Variants in SLC2A13 observed in about 807,000 individuals in gnomAD.
The protein encoded by SLC2A13 is solute carrier family 2 member 13.
Under a neutral mutation model 64.4 loss-of-function variants are expected in SLC2A13, and 32 were observed. That is an observed-to-expected ratio of 0.50 (90% CI 0.37 to 0.67). The LOEUF (loss-of-function observed/expected upper bound fraction) is 0.67. Ranked by LOEUF, SLC2A13 falls within the 30% of genes least tolerant of loss-of-function variation. The pLI, the probability that SLC2A13 is intolerant of heterozygous loss-of-function variation, is 0.00. For synonymous variants in SLC2A13, 338 were observed against 327.1 expected, an observed-to-expected ratio of 1.03 and a Z score of -0.36; for missense variants, 743 against 829.2, an observed-to-expected ratio of 0.90 and a Z score of 1.28.
At chr12:39,917,030 A>C (rs1945531764) in intron 4 of SLC2A13, among the ~76,000 whole-genome samples, 1 of 152,114 alleles carries the variant, frequency 6.6e-6, no homozygotes, top group South Asian at 2.1e-4. Context: ...TGACAAATTT[A>C]TTGAACACCT....
chr12:39,770,316 A>T (rs1940515079), intron 7 of SLC2A13, among the ~76,000 whole-genome samples: 1 of 152,128 alleles, frequency 6.6e-6, no homozygotes, highest in South Asian at 2.1e-4. Context: ...TGCTATGAAC[A>T]TCTAGATCCT....
intron 3 of SLC2A13, among the ~76,000 whole-genome samples, chr12:39,953,987 C>A (rs1250313078): frequency 6.6e-6 from 1 of 152,160 alleles, no homozygotes; most frequent in Non-Finnish European, 1.5e-5. Flanking sequence ...GCACTAAAAG[C>A]CAGTTTGTAT....
intron 6 of SLC2A13, among the ~76,000 whole-genome samples, chr12:39,849,058 G>T (rs780116513): frequency 1.3e-5 from 2 of 151,952 alleles, no homozygotes; most frequent in African/African-American, 4.8e-5. Flanking sequence ...GAACAAAAAA[G>T]ATAACTATTG....
At chr12:39,888,282 T>A (rs998491001) in intron 4 of SLC2A13, among the ~76,000 whole-genome samples, 4 of 152,164 alleles carry the variant, frequency 2.6e-5, no homozygotes, top group Admixed American at 2.6e-4. Flanking sequence ...TGGAGTGCAG[T>A]GGTGTGATCT....
intron 4 of SLC2A13, among the ~76,000 whole-genome samples, chr12:39,926,169 A>G (rs1417508204): frequency 6.6e-6 from 1 of 152,162 alleles, no homozygotes; most frequent in Non-Finnish European, 1.5e-5. Context: ...CCCTCAAAGC[A>G]CAATAATTAT....
intron 1 of SLC2A13, among the ~76,000 whole-genome samples, chr12:40,095,313 A>G (rs1938903382): frequency 6.6e-6 from 1 of 152,236 alleles, no homozygotes; most frequent in Admixed American, 6.5e-5. Context: ...CGTGAAGTAA[A>G]ATAATGATCT....
intron 4 of SLC2A13, among the ~76,000 whole-genome samples, chr12:39,938,049 G>A (rs1300808288): frequency 2.0e-5 from 3 of 152,050 alleles, no homozygotes; most frequent in East Asian, 1.9e-4. Flanking sequence ...ATCCTGTATC[G>A]ACGGGTAGAG....
chr12:40,076,239 C>G (rs144547524), intron 1 of SLC2A13, among the ~76,000 whole-genome samples: 3 of 152,148 alleles, frequency 2.0e-5, no homozygotes, highest in African/African-American at 7.2e-5. Flanking sequence ...GTTTGGTGTA[C>G]AAATTATTTC....
At chr12:39,878,775 C>A (rs1232304124) in intron 4 of SLC2A13, among the ~76,000 whole-genome samples, 1 of 152,222 alleles carries the variant, frequency 6.6e-6, no homozygotes, top group Admixed American at 6.5e-5. Context: ...TTCAAGCATG[C>A]TGTGGAGCAA....
intron 1 of SLC2A13, among the ~76,000 whole-genome samples, chr12:40,067,364 G>T (rs992214272): frequency 1.3e-5 from 2 of 152,034 alleles, no homozygotes; most frequent in African/African-American, 4.8e-5. Context: ...ACCACGCCTG[G>T]CTAATTTTTT....
At chr12:39,952,670 G>A (rs923418049) in intron 3 of SLC2A13, among the ~76,000 whole-genome samples, 16 of 152,146 alleles carry the variant, frequency 1.1e-4, no homozygotes, top group African/African-American at 3.6e-4. Context: ...TTAGAGAAGC[G>A]TTGATGGTCA....
At chr12:39,863,659 C>T (rs1245729206) in intron 6 of SLC2A13, among the ~76,000 whole-genome samples, 1 of 152,004 alleles carries the variant, frequency 6.6e-6, no homozygotes, top group African/African-American at 2.4e-5. Flanking sequence ...ATGAAGACAC[C>T]CTTAAGTCTT....
At chr12:40,050,861 G>A (rs1270497143) in intron 1 of SLC2A13, among the ~76,000 whole-genome samples, 1 of 152,152 alleles carries the variant, frequency 6.6e-6, no homozygotes, top group African/African-American at 2.4e-5. Flanking sequence ...TGGGTCTAAA[G>A]TTCCTCATCT....
intron 7 of SLC2A13, among the ~76,000 whole-genome samples, chr12:39,815,114 C>G (rs1469079663): frequency 6.6e-6 from 1 of 152,040 alleles, no homozygotes; most frequent in Non-Finnish European, 1.5e-5. Flanking sequence ...ATCTTCTGGT[C>G]AGTTACTGAG....
intron 6 of SLC2A13, among the ~76,000 whole-genome samples, chr12:39,854,497 C>T (rs1378886328): frequency 6.6e-6 from 1 of 152,134 alleles, no homozygotes; most frequent in African/African-American, 2.4e-5. Flanking sequence ...TCATACTTTG[C>T]CTTTAACATT....
At chr12:40,096,400 T>A (rs1047917946) in intron 1 of SLC2A13, among the ~76,000 whole-genome samples, 8 of 151,996 alleles carry the variant, frequency 5.3e-5, no homozygotes. Flanking sequence ...TTCTTTTAAG[T>A]AAATAAATTT....
intron 6 of SLC2A13, among the ~76,000 whole-genome samples, chr12:39,856,264 T>G (rs895665076): frequency 6.6e-6 from 1 of 152,168 alleles, no homozygotes; most frequent in Non-Finnish European, 1.5e-5. Flanking sequence ...CATCCATTCA[T>G]CCATCCATCC....
chr12:39,860,445 G>T (rs1186462130), intron 6 of SLC2A13, among the ~76,000 whole-genome samples: 1 of 152,190 alleles, frequency 6.6e-6, no homozygotes, highest in Non-Finnish European at 1.5e-5. Context: ...TGTTGCCCAT[G>T]TCTATGGACT....
intron 2 of SLC2A13, among the ~76,000 whole-genome samples, chr12:40,043,490 T>C (rs1304282491): frequency 6.6e-6 from 1 of 151,932 alleles, no homozygotes; most frequent in Non-Finnish European, 1.5e-5. Flanking sequence ...AAACTATATA[T>C]ATATATATGC....
Sources: gnomAD v4.1 joint callset for allele counts (sites outside exome capture counted in the v4.1 genomes callset) on GRCh38, gnomAD v4.1.1 for gene constraint, MANE v1.5 for transcripts, NCBI Gene and HGNC (gene_info 2026-07-23, HGNC 2026-07-21) for gene names.